The following PITPNC1 variants were observed in gnomAD, a reference collection of about 807,000 sequenced individuals.
The protein encoded by PITPNC1 is phosphatidylinositol transfer protein cytoplasmic 1.
In PITPNC1, 18 loss-of-function variants were observed where a neutral mutation model predicts 44.7. The observed-to-expected ratio is 0.40, with a 90% CI of 0.28 to 0.60. The LOEUF (loss-of-function observed/expected upper bound fraction) is 0.60. Among genes scored for constraint, PITPNC1 ranks in the 20% least tolerant of loss-of-function variants. PITPNC1 has a pLI of 0.39. For synonymous variants in PITPNC1, 141 were observed against 149.6 expected, an observed-to-expected ratio of 0.94 and a Z score of 0.42; for missense variants, 290 against 418.4, an observed-to-expected ratio of 0.69 and a Z score of 2.68.
intron 5 of PITPNC1, among the ~76,000 whole-genome samples, chr17:67,585,323 T>C (rs2041298716): frequency 6.6e-6 from 1 of 152,102 alleles, no homozygotes; most frequent in African/African-American, 2.4e-5. Flanking sequence ...GGCTTGAGTA[T>C]GGGAAGGAGC....
At chr17:67,426,586 C>A (rs2038769248) in intron 1 of PITPNC1, among the ~76,000 whole-genome samples, 1 of 144,564 alleles carries the variant, frequency 6.9e-6, no homozygotes, top group African/African-American at 2.6e-5. Context: ...GGGAGGGGAA[C>A]AACACACACC....
At chr17:67,621,112 C>A (rs1254482785) in intron 5 of PITPNC1, among the ~76,000 whole-genome samples, 1 of 152,170 alleles carries the variant, frequency 6.6e-6, no homozygotes, top group Admixed American at 6.5e-5. Context: ...GGACCCCGAC[C>A]ATTATGGACC....
intron 5 of PITPNC1, among the ~76,000 whole-genome samples, chr17:67,608,184 A>T (rs2041634076): frequency 6.6e-6 from 1 of 150,596 alleles, no homozygotes; most frequent in South Asian, 2.1e-4. Context: ...TTATCGCAAA[A>T]TGTTTTTTCA....
At chr17:67,482,451 A>C (rs771915854) in intron 1 of PITPNC1, among the ~76,000 whole-genome samples, 1 of 152,134 alleles carries the variant, frequency 6.6e-6, no homozygotes, top group African/African-American at 2.4e-5. Context: ...AAATTTTGCA[A>C]ATCTTTTGCC....
intron 4 of PITPNC1, among the ~76,000 whole-genome samples, chr17:67,559,421 T>C (rs1432332937): frequency 6.6e-6 from 1 of 152,236 alleles, no homozygotes; most frequent in East Asian, 1.9e-4. Context: ...GAAATAACTT[T>C]TATCTATGTA....
chr17:67,604,498 C>G (rs2041583746), intron 5 of PITPNC1, among the ~76,000 whole-genome samples: 1 of 152,146 alleles, frequency 6.6e-6, no homozygotes, highest in South Asian at 2.1e-4. Flanking sequence ...TAAAACAGTC[C>G]TAGGCCAGGC....
At chr17:67,581,073 G>T (rs189410453) in intron 5 of PITPNC1, among the ~76,000 whole-genome samples, 3 of 152,324 alleles carry the variant, frequency 2.0e-5, no homozygotes, top group Admixed American at 2.0e-4. Context: ...GAGGGGACAC[G>T]TGGCCTCACT....
At chr17:67,505,640 A>G (rs2040090452) in intron 1 of PITPNC1, among the ~76,000 whole-genome samples, 1 of 152,188 alleles carries the variant, frequency 6.6e-6, no homozygotes, top group African/African-American at 2.4e-5. Context: ...GACAGCATAT[A>G]GTTGGGTCTT....
intron 1 of PITPNC1, among the ~76,000 whole-genome samples, chr17:67,454,067 A>G (rs2039222146): frequency 6.6e-6 from 1 of 152,136 alleles, no homozygotes; most frequent in African/African-American, 2.4e-5. Context: ...CCTGGCCAAC[A>G]TGGTGAAACC....
chr17:67,575,510 G>T (rs1420568326), intron 4 of PITPNC1, among the ~76,000 whole-genome samples: 1 of 152,184 alleles, frequency 6.6e-6, no homozygotes, highest in African/African-American at 2.4e-5. Context: ...CGTGCTGAAC[G>T]CGTCCTGGCA....
At chr17:67,553,702 A>G in intron 4 of PITPNC1, 85 bp downstream of exon 4, 1 of 507,194 alleles carries the variant, frequency 2.0e-6, no homozygotes, top group Non-Finnish European at 3.5e-6. Flanking sequence ...TGTCTTATCA[A>G]TGTAATAATT....
chr17:67,659,334 T>C (rs572651128), intron 6 of PITPNC1, among the ~76,000 whole-genome samples: 48 of 152,300 alleles, frequency 3.2e-4, no homozygotes, highest in African/African-American at 1.1e-3. Flanking sequence ...GATTGAAATA[T>C]CTCAGATGGC....
intron 5 of PITPNC1, among the ~76,000 whole-genome samples, chr17:67,583,533 A>G (rs1371561318): frequency 2.7e-5 from 4 of 147,890 alleles, no homozygotes; most frequent in African/African-American, 1.0e-4. Context: ...GGTTGCAGGG[A>G]GCCGAGATCA....
chr17:67,432,766 C>G (rs2038875527), intron 1 of PITPNC1, among the ~76,000 whole-genome samples: 1 of 152,274 alleles, frequency 6.6e-6, no homozygotes, highest in East Asian at 1.9e-4. Flanking sequence ...CCTGAGTGAT[C>G]TTTGTAAACA....
At chr17:67,402,160 T>C (rs537889371) in intron 1 of PITPNC1, among the ~76,000 whole-genome samples, 1 of 152,378 alleles carries the variant, frequency 6.6e-6, no homozygotes, top group South Asian at 2.1e-4. Flanking sequence ...TGTAAATGAA[T>C]AGGCGTGGCT....
rs11413972 is a variant in PITPNC1, at chr17:67,554,253, A to ATT, written c.294+656_294+657dup. 8.4e-3 allele frequency among the ~76,000 whole-genome samples: 934 copies of ATT among 111,056 alleles called. 42 individuals are homozygous for ATT. The highest frequency in any genetic ancestry group is 0.019 in the African/African-American group (555 of 29,324). The allele number at this position is 111,056 out of a possible 152,430, so 72.9% of individuals were successfully genotyped here. The stretch of plus-strand genomic sequence containing the variant: ...TATCACAACAAGAAAATAGTTTATG[A>ATT]TTTTTTTTTTTTTTTTTTTTTGAGA... On this transcript the variant is annotated intron_variant, in intron 4 of 8. Transcript: ENST00000581322.
rs924830621 is a variant in PITPNC1, at chr17:67,693,551, C to T, written c.*663C>T. ...TTTTAATAACTTTCCCCTTTTGTGC[C>T]CTTGTGGCCTCAGAAATCCTTAAGA... On this transcript the variant is annotated 3_prime_UTR_variant, in exon 9 of 9. Transcript: ENST00000581322. The T allele has an allele frequency of 6.6e-6, 1 of 152,426 alleles. No individual in the cohort carries two copies. The highest frequency in any genetic ancestry group is 1.5e-5 in the Non-Finnish European group (1 of 68,020). 9.4% of individuals were successfully genotyped at this position (152,426 alleles called of 1,614,324 possible).
chr17:67,466,508 C>A (rs1265908884), intron 1 of PITPNC1, among the ~76,000 whole-genome samples: 1 of 152,186 alleles, frequency 6.6e-6, no homozygotes, highest in Non-Finnish European at 1.5e-5. Context: ...CCCTCCCACA[C>A]GACCCAAAAC....
chr17:67,615,458 T>C (rs900667551), intron 5 of PITPNC1, among the ~76,000 whole-genome samples: 1 of 152,268 alleles, frequency 6.6e-6, no homozygotes, highest in African/African-American at 2.4e-5. Context: ...TGTCTTTCGA[T>C]GCCTCGTGTG....
Sources: allele counts gnomAD v4.1 joint callset (sites outside exome capture counted in the v4.1 genomes callset), GRCh38; gene constraint gnomAD v4.1.1; transcripts MANE v1.5; gene names NCBI Gene and HGNC (gene_info 2026-07-23, HGNC 2026-07-21).